FBXL20: variants seen among roughly 807,000 people sequenced by gnomAD.
FBXL20 encodes the protein F-box/LRR-repeat protein 20.
FBXL20 carries 11 observed loss-of-function variants against 64.0 expected under a neutral mutation model. The observed-to-expected ratio is 0.17, with a 90% CI of 0.11 to 0.28. The LOEUF is 0.28. Among genes scored for constraint, FBXL20 ranks in the 10% least tolerant of loss-of-function variants. The pLI, the probability that FBXL20 is intolerant of heterozygous loss-of-function variation, is 1.00. For missense variants in FBXL20, 303 were observed against 526.2 expected (o/e 0.58, Z 4.15); for synonymous variants, 184 against 189.0 (o/e 0.97, Z 0.22).
intron 10 of FBXL20, among the ~76,000 whole-genome samples, chr17:39,271,597 C>CAAA (rs11362087): frequency 5.1e-4 from 26 of 50,786 alleles, no homozygotes; most frequent in African/African-American, 1.1e-3. Flanking sequence ...GGCTCCGACT[C>CAAA]AAAAAAAAAA....
intron 1 of FBXL20, among the ~76,000 whole-genome samples, chr17:39,351,084 C>T (rs2144590284): frequency 6.6e-6 from 1 of 152,214 alleles, no homozygotes; most frequent in East Asian, 1.9e-4. Context: ...CCTGTAATCC[C>T]AGCACTTTGG....
intron 7 of FBXL20, among the ~76,000 whole-genome samples, chr17:39,283,349 A>T (rs1157350186): frequency 6.6e-6 from 1 of 152,206 alleles, no homozygotes; most frequent in Non-Finnish European, 1.5e-5. Context: ...CATATCTGAA[A>T]ATCTGAAGTG....
At chr17:39,272,718 A>AGAAAGAAAGAAAGAAAGAAAG (rs58951166) in intron 10 of FBXL20, among the ~76,000 whole-genome samples, 54 of 79,866 alleles carry the variant, frequency 6.8e-4, no homozygotes, top group African/African-American at 1.7e-3. Flanking sequence ...AAAAAAAAAA[A>AGAAAGAAAGAAAGAAAGAAAG]AAAGAAAGAA....
intron 2 of FBXL20, among the ~76,000 whole-genome samples, chr17:39,321,000 TTC>T (rs771058491): frequency 2.0e-5 from 3 of 152,192 alleles, no homozygotes; most frequent in Non-Finnish European, 2.9e-5. Flanking sequence ...ATTTGCTAAG[TTC>T]TTTTTTTGTT....
chr17:39,300,301 A>G (rs1251754993), intron 4 of FBXL20, among the ~76,000 whole-genome samples: 3 of 152,188 alleles, frequency 2.0e-5, no homozygotes, highest in Non-Finnish European at 4.4e-5. Context: ...CTGAGATTAC[A>G]GGTGTAAGCC....
chr17:39,305,100 G>GA (rs1362712724), intron 2 of FBXL20, among the ~76,000 whole-genome samples: 1 of 149,532 alleles, frequency 6.7e-6, no homozygotes, highest in African/African-American at 2.5e-5. Flanking sequence ...CAGTTATGAA[G>GA]AAAAAAAGAT....
rs79593009 is a variant in FBXL20 at position 39,280,668 on chromosome 17, T to G, written c.696+721A>C. ...AAATTATCTGAGTAGAATTCAGGGG[T>G]TTTGGGGTAGACACAAAAAAGCTGA... On this transcript the variant is annotated intron_variant, in intron 9 of 14. Coordinates refer to ENST00000264658, the MANE Select transcript of FBXL20 (RefSeq NM_032875.3). 1.1e-4 allele frequency among the ~76,000 whole-genome samples: 17 copies of G among 151,200 alleles called. No homozygotes were observed. The East Asian group carries it at 3.3e-3, about 29-fold the overall frequency.
chr17:39,378,854 G>A (rs1297796742), intron 1 of FBXL20, among the ~76,000 whole-genome samples: 5 of 151,210 alleles, frequency 3.3e-5, no homozygotes, highest in African/African-American at 9.7e-5. Flanking sequence ...CAGGTGATCC[G>A]CCTGCCTCGG....
intron 1 of FBXL20, among the ~76,000 whole-genome samples, chr17:39,348,057 C>A (rs1220783819): frequency 6.7e-6 from 1 of 149,654 alleles, no homozygotes; most frequent in Non-Finnish European, 1.5e-5. Context: ...TAAACCATTA[C>A]ATTTCTCTCT....
chr17:39,335,546 G>A (rs1263584018), intron 2 of FBXL20, among the ~76,000 whole-genome samples: 5 of 131,258 alleles, frequency 3.8e-5, no homozygotes, highest in African/African-American at 1.5e-4. Context: ...TCATGCCACT[G>A]CACTCCAGCC....
intron 1 of FBXL20, among the ~76,000 whole-genome samples, chr17:39,351,646 A>G (rs1324881232): frequency 6.6e-6 from 1 of 152,198 alleles, no homozygotes; most frequent in Non-Finnish European, 1.5e-5. Flanking sequence ...CAAATGTTTA[A>G]CATTCTTAGG....
chr17:39,319,673 C>CAAAAAAAAA (rs71300077), intron 2 of FBXL20, among the ~76,000 whole-genome samples: 8 of 47,300 alleles, frequency 1.7e-4, no homozygotes, highest in East Asian at 6.3e-4. Flanking sequence ...GACTCCATAT[C>CAAAAAAAAA]AAAAAAAAAA....
At chr17:39,268,951 G>C (rs1346526587) in intron 11 of FBXL20, 80 bp from the exon 12 acceptor site, 13 of 1,212,190 alleles carry the variant, frequency 1.1e-5, no homozygotes, top group Admixed American at 7.3e-5. Context: ...AGAAAACTAA[G>C]AGGTAATATT....
chr17:39,285,570 T>C lies in FBXL20; in HGVS notation c.402A>G (p.Thr134=), dbSNP rs2046981671. 5.0e-6 allele frequency: 8 copies of C among 1,589,786 alleles called. No homozygotes were observed. The highest frequency in any genetic ancestry group is 1.7e-4 in the Middle Eastern group (1 of 5,988). The stretch of plus-strand genomic sequence containing the variant: ...AACAGAACTTGCTAAGGCTAGTACA[T>C]GTACTGAAAAATGGAAAAAGGAGAA... ...LNGCTKTTDA[T]CTSLSKFCSK... is the part of the protein sequence containing the mutation. Residue 134 remains threonine, a synonymous_variant, in exon 7 of 15, where the codon ACA becomes ACG. Coordinates refer to ENST00000264658, the MANE Select transcript of FBXL20 (RefSeq NM_032875.3).
At chr17:39,299,292 T>G (rs2047113794) in intron 4 of FBXL20, among the ~76,000 whole-genome samples, 1 of 152,226 alleles carries the variant, frequency 6.6e-6, no homozygotes, top group Non-Finnish European at 1.5e-5. Context: ...CTTATTTTGT[T>G]TAACTTGTAA....
Position 39,332,718 on chromosome 17 carries a change from T to C in FBXL20, c.104+10462A>G, listed in dbSNP as rs1330722574. Among the ~76,000 whole-genome samples, 8 of 151,538 alleles carry C rather than the reference T, an allele frequency of 5.3e-5. No homozygotes were observed. The East Asian group carries it at 1.2e-3, about 22-fold the overall frequency. ...CACCAGGCCTGGCTAATGTTTTGTA[T>C]TTTTAGTACAGATGGGGTTTCACCG... On this transcript the variant is annotated intron_variant, in intron 2 of 14. Coordinates refer to ENST00000264658, the MANE Select transcript of FBXL20 (RefSeq NM_032875.3).
chr17:39,327,452 G>A (rs1465642450), intron 2 of FBXL20, among the ~76,000 whole-genome samples: 1 of 152,100 alleles, frequency 6.6e-6, no homozygotes, highest in Non-Finnish European at 1.5e-5. Context: ...AGGAGGGACA[G>A]AATGAACCCT....
intron 1 of FBXL20, among the ~76,000 whole-genome samples, chr17:39,376,098 G>T (rs1394575547): frequency 6.6e-6 from 1 of 152,010 alleles, no homozygotes; most frequent in Non-Finnish European, 1.5e-5. Flanking sequence ...CAGCCTGGGC[G>T]ACAGTGTGAG....
rs915093451 is a variant in FBXL20, at chr17:39,255,599, G to C, written c.*5861C>G. 2.0e-5 allele frequency: 3 copies of C among 151,796 alleles called. No individual in the cohort carries two copies. Among genetic ancestry groups the C allele is most frequent in the African/African-American group, 7.3e-5 (3 of 41,308 alleles). The allele number at this position is 151,796 out of a possible 1,614,324, so 9.4% of individuals were successfully genotyped here. ...TGGCTCACGCCTGTAATCCTAGCAT[G>C]TTGGGAGGCTGAGGTGGGCAGATCA... On this transcript the variant is annotated 3_prime_UTR_variant, in exon 15 of 15. Transcript: ENST00000264658.
Sources: gnomAD v4.1 joint callset for allele counts (sites outside exome capture counted in the v4.1 genomes callset) on GRCh38, gnomAD v4.1.1 for gene constraint, MANE v1.5 for transcripts, NCBI Gene and HGNC (gene_info 2026-07-23, HGNC 2026-07-21) for gene names.